LIN52: variants seen among roughly 807,000 people sequenced by gnomAD.
LIN52 encodes protein lin-52 homolog.
A neutral mutation model predicts 18.5 loss-of-function variants in LIN52; 4 were observed. The observed-to-expected ratio is 0.22, with a 90% CI of 0.11 to 0.49. The LOEUF (loss-of-function observed/expected upper bound fraction) is 0.49. Ranked by LOEUF, LIN52 falls within the 20% of genes least tolerant of loss-of-function variation. The pLI is 0.97. For synonymous variants in LIN52, 34 were observed against 45.5 expected (o/e 0.75, Z 1.02); for missense variants, 102 against 139.5 (o/e 0.73, Z 1.35).
intron 5 of LIN52, among the ~76,000 whole-genome samples, chr14:74,144,297 G>A (rs1189043537): frequency 6.7e-6 from 1 of 150,224 alleles, no homozygotes; most frequent in African/African-American, 2.5e-5. Flanking sequence ...TTTTTTAATT[G>A]GAGCCATGGG....
At position 74,102,844 on chromosome 14, in the gene LIN52, A is replaced by G. The variant is rs377487125; in HGVS notation, c.283+1606A>G. Among the ~76,000 whole-genome samples the G allele has an allele frequency of 2.0e-5, 3 of 152,168 alleles. No homozygotes were observed. The East Asian group carries it at 5.8e-4, about 29-fold the overall frequency. On this transcript the variant is annotated intron_variant, in intron 5 of 5. Transcript: ENST00000555028. ...TTAGTTTCTCTTTTTCTGCTTTCCT[A>G]CTGAGAAAGGTAATGAAGTATTTTT...
intron 5 of LIN52, among the ~76,000 whole-genome samples, chr14:74,118,830 G>A (rs2060979815): frequency 6.6e-6 from 1 of 152,176 alleles, no homozygotes; most frequent in African/African-American, 2.4e-5. Context: ...GCCCCTTCTA[G>A]TCCCTACTTG....
chr14:74,172,553 A>G (rs1348515652), intron 5 of LIN52, among the ~76,000 whole-genome samples: 1 of 152,214 alleles, frequency 6.6e-6, no homozygotes, highest in Non-Finnish European at 1.5e-5. Flanking sequence ...AGTTTGATCA[A>G]TGTGTAATAA....
Position 74,199,040 on chromosome 14 carries a change from A to G in LIN52, c.*63A>G. ...CAAGCTCCCTTCCCGGTGCACCTCT[A>G]ACAATGCACACCTCACTGCTTGCTT... On this transcript the variant is annotated 3_prime_UTR_variant, in exon 6 of 6. Transcript: ENST00000555028. 2 of 1,122,586 alleles carry G rather than the reference A, an allele frequency of 1.8e-6. No homozygotes were observed. Among genetic ancestry groups the G allele is most frequent in the South Asian group, 2.5e-5 (2 of 80,988 alleles). 69.5% of individuals were successfully genotyped at this position (1,122,586 alleles called of 1,614,324 possible).
chr14:74,119,400 G>A (rs548153907), intron 5 of LIN52, among the ~76,000 whole-genome samples: 3 of 152,050 alleles, frequency 2.0e-5, no homozygotes, highest in African/African-American at 7.2e-5. Context: ...TCCTGACCTC[G>A]TGATCCGCCC....
intron 5 of LIN52, among the ~76,000 whole-genome samples, chr14:74,104,591 A>ATT (rs201667013): frequency 5.7e-4 from 82 of 144,020 alleles, no homozygotes; most frequent in East Asian, 3.1e-3. Context: ...TACAGGCTTG[A>ATT]TTTTTTTTTT....
At chr14:74,158,368 C>T (rs2061209897) in intron 5 of LIN52, among the ~76,000 whole-genome samples, 1 of 152,214 alleles carries the variant, frequency 6.6e-6, no homozygotes, top group African/African-American at 2.4e-5. Context: ...TCGCCTCAGC[C>T]TCCCAAAGTG....
chr14:74,199,021 C>G lies in LIN52; in HGVS notation c.*44C>G. On this transcript the variant is annotated 3_prime_UTR_variant, in exon 6 of 6. Coordinates refer to ENST00000555028, the MANE Select transcript of LIN52 (RefSeq NM_001024674.3). Reference sequence around the variant, plus strand: ...ATGTCCTGGGGTCCGAAACCAAGCTCCCTTCCCGGTGCACCTCTAACAATG... The same window carrying G: ...ATGTCCTGGGGTCCGAAACCAAGCTGCCTTCCCGGTGCACCTCTAACAATG... 7.1e-7 allele frequency: 1 copy of G among 1,399,082 alleles called. No individual in the cohort carries two copies. The highest frequency in any genetic ancestry group is 1.2e-5 in the South Asian group (1 of 86,686). The allele number at this position is 1,399,082 out of a possible 1,614,324, so 86.7% of individuals were successfully genotyped here. A position where few individuals can be genotyped will look rare whatever the true frequency, so the allele number is the denominator to read the frequency against.
intron 5 of LIN52, among the ~76,000 whole-genome samples, chr14:74,104,302 T>A (rs191342613): frequency 6.6e-6 from 1 of 152,330 alleles, no homozygotes; most frequent in Non-Finnish European, 1.5e-5. Flanking sequence ...GGGTTTAGAT[T>A]TCTGTAGTTG....
chr14:74,105,451 G>T (rs906880766), intron 5 of LIN52, among the ~76,000 whole-genome samples: 10 of 152,128 alleles, frequency 6.6e-5, no homozygotes, highest in African/African-American at 2.4e-4. Flanking sequence ...TGACCATCGT[G>T]AATTTAGCTG....
chr14:74,178,517 G>A (rs911651686), intron 5 of LIN52, among the ~76,000 whole-genome samples: 18 of 151,506 alleles, frequency 1.2e-4, no homozygotes, highest in African/African-American at 4.1e-4. Flanking sequence ...GAGTGCAGTG[G>A]TGCGATTTTG....
chr14:74,154,289 G>A (rs921202095), intron 5 of LIN52, among the ~76,000 whole-genome samples: 5 of 151,952 alleles, frequency 3.3e-5, no homozygotes, highest in African/African-American at 1.2e-4. Flanking sequence ...TCCCTCAGTT[G>A]GGATTTGTCT....
chr14:74,169,228 T>C (rs1426680095), intron 5 of LIN52, among the ~76,000 whole-genome samples: 3 of 152,230 alleles, frequency 2.0e-5, no homozygotes, highest in African/African-American at 7.2e-5. Context: ...ACATTTCTTT[T>C]TCTACTGTTT....
intron 5 of LIN52, among the ~76,000 whole-genome samples, chr14:74,140,865 T>C (rs1006009517): frequency 6.6e-6 from 1 of 152,194 alleles, no homozygotes; most frequent in Non-Finnish European, 1.5e-5. Context: ...GGTTGGCACT[T>C]GTGGATTGCC....
At chr14:74,095,149 G>GT (rs35455851) in intron 2 of LIN52, among the ~76,000 whole-genome samples, 5,591 of 103,650 alleles carry the variant, frequency 0.054, 401 homozygotes, top group African/African-American at 0.13. Context: ...CCAACTAACT[G>GT]TTTTTTTTTT....
rs148814462 is a variant in LIN52 at position 74,168,840 on chromosome 14, G to A, written c.284-30082G>A. On this transcript the variant is annotated intron_variant, in intron 5 of 5. Transcript: ENST00000555028. Reference sequence around the variant, plus strand: ...AAACTTTGGGAGGCTGAGGCAGTCGGATCACTTGAGGTCAGGAGTTTGAGA... The same window carrying A: ...AAACTTTGGGAGGCTGAGGCAGTCGAATCACTTGAGGTCAGGAGTTTGAGA... Among the ~76,000 whole-genome samples, 935 of 152,200 alleles carry A rather than the reference G, an allele frequency of 6.1e-3. 12 individuals carry two copies. Among genetic ancestry groups the A allele is most frequent in the Middle Eastern group, 0.051 (15 of 294 alleles).
At chr14:74,153,046 G>A (rs1417507295) in intron 5 of LIN52, among the ~76,000 whole-genome samples, 1 of 151,618 alleles carries the variant, frequency 6.6e-6, no homozygotes, top group Non-Finnish European at 1.5e-5. Context: ...GAGCCTTAGT[G>A]GAAAAATTTA....
Position 74,137,498 on chromosome 14 carries a change from C to CTTT in LIN52, c.283+36276_283+36278dup, listed in dbSNP as rs71460959. Among the ~76,000 whole-genome samples the CTTT allele has an allele frequency of 2.6e-3, 285 of 111,416 alleles. 13 individuals are homozygous for CTTT. Among genetic ancestry groups the CTTT allele is most frequent in the South Asian group, 0.013 (45 of 3,552 alleles). The allele number at this position is 111,416 out of a possible 152,430, so 73.1% of individuals were successfully genotyped here. On this transcript the variant is annotated intron_variant, in intron 5 of 5. Coordinates refer to ENST00000555028, the MANE Select transcript of LIN52 (RefSeq NM_001024674.3). ...GCACTAAATTCTTCACAGCAGCTCTCTTTTTTTTTTTTTTTTTTGAGATGG... is the reference window on the plus strand; with the variant it reads ...GCACTAAATTCTTCACAGCAGCTCTCTTTTTTTTTTTTTTTTTTTTTGAGATGG...
At chr14:74,196,456 A>G (rs2078912784) in intron 5 of LIN52, among the ~76,000 whole-genome samples, 1 of 152,148 alleles carries the variant, frequency 6.6e-6, no homozygotes, top group African/African-American at 2.4e-5. Context: ...ACAAGGCTCT[A>G]TTCTCTCCAG....
Sources: allele counts gnomAD v4.1 joint callset (sites outside exome capture counted in the v4.1 genomes callset), GRCh38; gene constraint gnomAD v4.1.1; transcripts MANE v1.5; gene names NCBI Gene and HGNC (gene_info 2026-07-23, HGNC 2026-07-21).